Variants in KIF6 observed in about 807,000 individuals in gnomAD.
KIF6 encodes kinesin family member 6, also known as kinesin-like protein KIF6.
In KIF6, 106 loss-of-function variants were observed where a neutral mutation model predicts 112.7. That is an observed-to-expected ratio of 0.94 (90% CI 0.80 to 1.11). KIF6 has a LOEUF of 1.11. Among genes scored for constraint, KIF6 ranks in the 50% least tolerant of loss-of-function variants. The pLI, the probability that KIF6 is intolerant of heterozygous loss-of-function variation, is 0.00. For synonymous variants in KIF6, 339 were observed against 339.9 expected (o/e 1.00, Z 0.03); for missense variants, 929 against 964.0 (o/e 0.96, Z 0.48).
intron 14 of KIF6, among the ~76,000 whole-genome samples, chr6:39,422,735 C>T (rs113412231): frequency 2.6e-5 from 4 of 152,306 alleles, no homozygotes; most frequent in Non-Finnish European, 4.4e-5. Flanking sequence ...TGCATCTCCA[C>T]GCCTCTCCAG....
At chr6:39,601,950 A>G (rs1782599666) in intron 6 of KIF6, among the ~76,000 whole-genome samples, 1 of 152,150 alleles carries the variant, frequency 6.6e-6, no homozygotes, top group Non-Finnish European at 1.5e-5. Context: ...CGGTTAGGTA[A>G]CTGTTACAGG....
At chr6:39,373,575 A>G (rs1234781390) in intron 16 of KIF6, among the ~76,000 whole-genome samples, 2 of 152,212 alleles carry the variant, frequency 1.3e-5, no homozygotes, top group Admixed American at 6.5e-5. Flanking sequence ...TATACTAACA[A>G]CAAACTATCC....
At chr6:39,639,289 A>C (rs1231429099) in intron 4 of KIF6, among the ~76,000 whole-genome samples, 5 of 152,100 alleles carry the variant, frequency 3.3e-5, no homozygotes, top group Non-Finnish European at 7.4e-5. Flanking sequence ...TGATAAGAAG[A>C]CATTCCTCAG....
In KIF6 at chr6:39,543,822, T is replaced by C. The variant is rs559861949; in HGVS notation, c.1426+733A>G. ...GGGCTCCATAGAAGTAACCACTTCG[T>C]CTGCAACTGGAGGCAGCACATGCTC... On this transcript the variant is annotated intron_variant, in intron 12 of 22. Coordinates refer to ENST00000287152, the MANE Select transcript of KIF6 (RefSeq NM_145027.6). Among the ~76,000 whole-genome samples, 19 of 152,330 alleles carry C rather than the reference T, an allele frequency of 1.2e-4. No individual in the cohort carries two copies. The South Asian group carries it at 3.9e-3, about 32-fold the overall frequency.
intron 3 of KIF6, among the ~76,000 whole-genome samples, chr6:39,677,683 T>C (rs303679): frequency 0.03 from 2,444 of 82,304 alleles, 108 homozygotes; most frequent in African/African-American, 0.12. Context: ...CCCTCCCCCC[T>C]CCCCCGACCC....
intron 13 of KIF6, among the ~76,000 whole-genome samples, chr6:39,511,111 A>T (rs969710353): frequency 2.6e-5 from 4 of 152,120 alleles, no homozygotes; most frequent in Non-Finnish European, 5.9e-5. Context: ...CACAATAATA[A>T]TGGGAGACTT....
intron 6 of KIF6, among the ~76,000 whole-genome samples, chr6:39,602,736 G>C (rs1782646245): frequency 6.6e-6 from 1 of 152,140 alleles, no homozygotes; most frequent in South Asian, 2.1e-4. Flanking sequence ...TTGGGCTTCA[G>C]TTATTTGCTG....
intron 13 of KIF6, among the ~76,000 whole-genome samples, chr6:39,448,245 G>A (rs1772453645): frequency 6.6e-6 from 1 of 152,054 alleles, no homozygotes; most frequent in Non-Finnish European, 1.5e-5. Context: ...TGCGATCTTG[G>A]CTCACTGCAA....
At chr6:39,699,376 A>T (rs1788738977) in intron 3 of KIF6, among the ~76,000 whole-genome samples, 1 of 152,192 alleles carries the variant, frequency 6.6e-6, no homozygotes, top group Non-Finnish European at 1.5e-5. Flanking sequence ...CTATCTGGGT[A>T]TGTGGGGAAA....
At chr6:39,696,574 T>C (rs1788551909) in intron 3 of KIF6, among the ~76,000 whole-genome samples, 1 of 151,680 alleles carries the variant, frequency 6.6e-6, no homozygotes, top group African/African-American at 2.4e-5. Context: ...ACTATTGTCT[T>C]AAGTTTTTCT....
At chr6:39,555,767 A>G (rs2150586266) in intron 10 of KIF6, among the ~76,000 whole-genome samples, 1 of 152,120 alleles carries the variant, frequency 6.6e-6, no homozygotes, top group Middle Eastern at 3.4e-3. Context: ...AGCCTGGCCA[A>G]CATGCTGAAA....
At chr6:39,575,009 A>G (rs1186008843) in intron 10 of KIF6, among the ~76,000 whole-genome samples, 1 of 152,080 alleles carries the variant, frequency 6.6e-6, no homozygotes, top group Non-Finnish European at 1.5e-5. Flanking sequence ...AAAGTCAACT[A>G]CTGTTCTTGT....
intron 13 of KIF6, among the ~76,000 whole-genome samples, chr6:39,470,614 G>C (rs1774067051): frequency 6.6e-6 from 1 of 152,168 alleles, no homozygotes. Context: ...CACAGGATCA[G>C]GTTTAGAAAA....
intron 3 of KIF6, among the ~76,000 whole-genome samples, chr6:39,662,553 T>C (rs548415993): frequency 1.1e-4 from 17 of 152,316 alleles, no homozygotes; most frequent in African/African-American, 3.6e-4. Context: ...TAGGTTGAAG[T>C]AGGTGTTTGA....
intron 16 of KIF6, among the ~76,000 whole-genome samples, chr6:39,367,393 T>G (rs944905064): frequency 1.3e-5 from 2 of 152,200 alleles, no homozygotes; most frequent in African/African-American, 4.8e-5. Context: ...GACAGGATTC[T>G]GGCTGGGACA....
At chr6:39,395,559 A>C (rs1206942141) in intron 15 of KIF6, among the ~76,000 whole-genome samples, 4 of 152,204 alleles carry the variant, frequency 2.6e-5, no homozygotes, top group African/African-American at 2.4e-5. Flanking sequence ...TGTAGTTCAC[A>C]ATTGTTCTTT....
intron 4 of KIF6, among the ~76,000 whole-genome samples, chr6:39,638,597 C>T (rs1229522060): frequency 6.6e-6 from 1 of 152,082 alleles, no homozygotes; most frequent in Non-Finnish European, 1.5e-5. Context: ...ATAATTGCTA[C>T]TTTATGGATG....
chr6:39,596,324 A>T, intron 6 of KIF6, 64 bp from the exon 7 acceptor site: 1 of 1,112,154 alleles, frequency 9.0e-7, no homozygotes, highest in Admixed American at 1.8e-5. Context: ...ATATCAAAAG[A>T]TTTAAAATAA....
intron 13 of KIF6, 118 bp downstream of exon 13, chr6:39,539,885 A>T (rs1044738628): frequency 2.7e-6 from 2 of 748,882 alleles, no homozygotes; most frequent in African/African-American, 3.5e-5. Flanking sequence ...ATTGATAGTT[A>T]TAAAAAATAA....
Sources: allele counts gnomAD v4.1 joint callset (sites outside exome capture counted in the v4.1 genomes callset), GRCh38; gene constraint gnomAD v4.1.1; transcripts MANE v1.5; gene names NCBI Gene and HGNC (gene_info 2026-07-23, HGNC 2026-07-21).